KCNMB2: variants seen among roughly 807,000 people sequenced by gnomAD.
KCNMB2 encodes calcium-activated potassium channel subunit beta-2.
KCNMB2 carries 9 observed loss-of-function variants against 24.5 expected under a neutral mutation model. The observed-to-expected ratio is 0.37, with a 90% CI of 0.22 to 0.64. The LOEUF (loss-of-function observed/expected upper bound fraction) is 0.64. Among genes scored for constraint, KCNMB2 ranks in the 30% least tolerant of loss-of-function variants. The pLI is 0.63. For synonymous variants in KCNMB2, 109 were observed against 104.4 expected (o/e 1.04, Z -0.27); for missense variants, 226 against 284.3 (o/e 0.79, Z 1.47).
intron 1 of KCNMB2, among the ~76,000 whole-genome samples, chr3:178,757,749 TAAGAGG>T (rs1724183999): frequency 2.7e-5 from 2 of 74,744 alleles, no homozygotes; most frequent in African/African-American, 9.0e-5. Flanking sequence ...TATATATATA[TAAGAGG>T]ATATATATAT....
intron 1 of KCNMB2, among the ~76,000 whole-genome samples, chr3:178,733,653 G>A (rs1225935330): frequency 1.3e-5 from 2 of 151,866 alleles, no homozygotes; most frequent in Admixed American, 1.3e-4. Context: ...GTTGACTTTT[G>A]TATTTTTAGG....
intron 1 of KCNMB2, among the ~76,000 whole-genome samples, chr3:178,637,884 A>G (rs185069786): frequency 4.6e-4 from 70 of 152,282 alleles, no homozygotes; most frequent in Non-Finnish European, 1.5e-4. Flanking sequence ...AAGTCCCACA[A>G]TGATTTCAGT....
At chr3:178,798,738 G>C (rs1320165278) in intron 1 of KCNMB2, among the ~76,000 whole-genome samples, 2 of 152,042 alleles carry the variant, frequency 1.3e-5, no homozygotes, top group South Asian at 2.1e-4. Flanking sequence ...GTGAGGTTGG[G>C]GGAGGGAGAG....
chr3:178,588,179 A>T (rs994111071), intron 1 of KCNMB2, among the ~76,000 whole-genome samples: 5 of 152,024 alleles, frequency 3.3e-5, no homozygotes, highest in African/African-American at 1.2e-4. Context: ...CTTGTCAAGG[A>T]CTTCATTAAC....
chr3:178,749,432 A>G (rs993615029), intron 1 of KCNMB2, among the ~76,000 whole-genome samples: 1 of 152,248 alleles, frequency 6.6e-6, no homozygotes, highest in African/African-American at 2.4e-5. Flanking sequence ...TAATAATTCT[A>G]GTCCAACTTA....
chr3:178,659,736 C>A (rs547740749), intron 1 of KCNMB2, among the ~76,000 whole-genome samples: 68 of 152,250 alleles, frequency 4.5e-4, no homozygotes, highest in African/African-American at 1.5e-3. Flanking sequence ...ATGAATAACT[C>A]CTATTTCATA....
At chr3:178,554,092 A>G (rs1382615799) in intron 1 of KCNMB2, among the ~76,000 whole-genome samples, 1 of 152,064 alleles carries the variant, frequency 6.6e-6, no homozygotes, top group South Asian at 2.1e-4. Flanking sequence ...GCTATGAGGT[A>G]GGTTTTTTTT....
At chr3:178,537,482 T>TA (rs1270568251) in intron 1 of KCNMB2, 1 of 152,204 alleles carries the variant, frequency 6.6e-6, no homozygotes, top group African/African-American at 2.4e-5. Flanking sequence ...ATGAACAGCA[T>TA]AAAAACACAA....
At chr3:178,759,915 T>TAG (rs1215193049) in intron 1 of KCNMB2, among the ~76,000 whole-genome samples, 1 of 44,996 alleles carries the variant, frequency 2.2e-5, no homozygotes. Flanking sequence ...TCTATATATA[T>TAG]ATATATCCAA....
chr3:178,717,845 G>C (rs1722669568), intron 1 of KCNMB2, among the ~76,000 whole-genome samples: 1 of 151,632 alleles, frequency 6.6e-6, no homozygotes, highest in Admixed American at 6.6e-5. Flanking sequence ...GGGAACTTAG[G>C]CAGGAAGGAA....
intron 1 of KCNMB2, among the ~76,000 whole-genome samples, chr3:178,681,720 A>G (rs1013411080): frequency 1.4e-4 from 21 of 152,204 alleles, no homozygotes; most frequent in African/African-American, 4.8e-4. Context: ...TTGCCACTCA[A>G]TGGATTCAGA....
At chr3:178,804,452 T>C (rs1351446318) in intron 1 of KCNMB2, among the ~76,000 whole-genome samples, 1 of 152,230 alleles carries the variant, frequency 6.6e-6, no homozygotes, top group African/African-American at 2.4e-5. Flanking sequence ...GGTTTGTCTT[T>C]ATGAAAGAAA....
chr3:178,599,630 T>A lies in KCNMB2; in HGVS notation c.-68+62919T>A, dbSNP rs138249016. On this transcript the variant is annotated intron_variant, in intron 1 of 4. Transcript: ENST00000452583. ...ATATACACATAAAATGTTATTTTTA[T>A]GTGTATTCATTATTCATTTTATGCA... Among the ~76,000 whole-genome samples, 187 of 152,320 alleles carry A rather than the reference T, an allele frequency of 1.2e-3. 1 individual carries two copies. The highest frequency in any genetic ancestry group is 4.2e-3 in the African/African-American group (176 of 41,576).
chr3:178,623,766 G>T (rs1165108320), intron 1 of KCNMB2, among the ~76,000 whole-genome samples: 1 of 152,110 alleles, frequency 6.6e-6, no homozygotes, highest in African/African-American at 2.4e-5. Flanking sequence ...ATGCCCTGTA[G>T]ATATCTACAA....
At chr3:178,802,334 A>G (rs1418115598) in intron 1 of KCNMB2, among the ~76,000 whole-genome samples, 1 of 152,162 alleles carries the variant, frequency 6.6e-6, no homozygotes, top group Non-Finnish European at 1.5e-5. Context: ...CTGCTTGCTC[A>G]TTTAATAAAG....
chr3:178,762,849 GAAAA>G (rs58820080), intron 1 of KCNMB2, among the ~76,000 whole-genome samples: 1 of 129,260 alleles, frequency 7.7e-6, no homozygotes, highest in African/African-American at 2.9e-5. Context: ...TTACTGAGTT[GAAAA>G]AAAAAAAAAA....
intron 1 of KCNMB2, among the ~76,000 whole-genome samples, chr3:178,724,884 A>T (rs7428229): frequency 6.6e-6 from 1 of 151,954 alleles, no homozygotes; most frequent in Non-Finnish European, 1.5e-5. Context: ...GTACCAGCAC[A>T]ATGCTGTTTT....
At position 178,662,547 on chromosome 3, in the gene KCNMB2, G is replaced by T. The variant is rs573177134; in HGVS notation, c.-68+125836G>T. On this transcript the variant is annotated intron_variant, in intron 1 of 4. Transcript: ENST00000452583. ...TGTGGTATAAAAAGGACAAGAGCTT[G>T]TATCATCTATTACATGGTGCAAAGA... Among the ~76,000 whole-genome samples the T allele has an allele frequency of 2.2e-4, 34 of 152,236 alleles. 1 individual carries two copies. The highest frequency in any genetic ancestry group is 8.2e-4 in the African/African-American group (34 of 41,570).
chr3:178,651,549 C>A (rs1553827754), intron 1 of KCNMB2, among the ~76,000 whole-genome samples: 1 of 152,122 alleles, frequency 6.6e-6, no homozygotes. Context: ...TGACTTTCTT[C>A]ACAGAATTAG....
Sources: allele counts gnomAD v4.1 joint callset (sites outside exome capture counted in the v4.1 genomes callset), GRCh38; gene constraint gnomAD v4.1.1; transcripts MANE v1.5; gene names NCBI Gene and HGNC (gene_info 2026-07-23, HGNC 2026-07-21).